Variants in YTHDC2 observed in about 807,000 individuals in gnomAD.
YTHDC2 encodes 3'-5' RNA helicase YTHDC2.
Under a neutral mutation model 174.9 loss-of-function variants are expected in YTHDC2, and 45 were observed. That is an observed-to-expected ratio of 0.26 (90% CI 0.20 to 0.33). YTHDC2 has a LOEUF of 0.33. YTHDC2 is among the 10% of genes least tolerant of loss of function. The probability of loss-of-function intolerance (pLI) is 1.00; values close to 1 mark genes in which losing one functional copy is unlikely to be tolerated. For synonymous variants in YTHDC2, 657 were observed against 574.5 expected (o/e 1.14, Z -2.05); for missense variants, 1,650 against 1,723.7 (o/e 0.96, Z 0.76).
intron 24 of YTHDC2, among the ~76,000 whole-genome samples, chr5:113,581,074 A>G (rs1778375412): frequency 6.6e-6 from 1 of 152,166 alleles, no homozygotes; most frequent in Non-Finnish European, 1.5e-5. Flanking sequence ...CCTTCAGGAC[A>G]TGATCATTTG....
At chr5:113,557,644 A>G (rs1420791516) in intron 17 of YTHDC2, among the ~76,000 whole-genome samples, 1 of 152,158 alleles carries the variant, frequency 6.6e-6, no homozygotes, top group Admixed American at 6.5e-5. Context: ...AAATTAAAAA[A>G]TCAGCTAGGT....
chr5:113,534,345 G>T lies in YTHDC2; in HGVS notation c.883G>T (p.Val295Leu), dbSNP rs769929036. The change falls in exon 6 of 30, where the codon GTA becomes TTA. Residue 295 changes from valine to leucine, a missense_variant. Physicochemically the swap from Val to Leu is conservative, Grantham distance 32. Around this residue, in one of 5 missense-constraint regions of YTHDC2, gnomAD observed 411 missense variants for 380.6 expected, o/e 1.08. Transcript: ENST00000161863. The stretch of plus-strand genomic sequence containing the variant: ...ACTTCTGACATTTTGTACTAATGGG[G>T]TATTGCTTCGTACATTGATGGCAGG... ...KTLLTFCTNGVLLRTLMAGDS... is the reference protein window; with the variant it reads ...KTLLTFCTNGLLLRTLMAGDS... 5 of 1,612,680 alleles carry T rather than the reference G, an allele frequency of 3.1e-6. No individual in the cohort carries two copies. The highest frequency in any genetic ancestry group is 2.2e-5 in the South Asian group (2 of 90,960).
intron 2 of YTHDC2, among the ~76,000 whole-genome samples, chr5:113,518,410 C>T (rs1299678537): frequency 6.7e-6 from 1 of 149,610 alleles, no homozygotes; most frequent in East Asian, 1.9e-4. Context: ...TTATGTTGCT[C>T]AGGATGGTCT....
intron 4 of YTHDC2, among the ~76,000 whole-genome samples, chr5:113,529,528 C>A (rs10036300): frequency 1.3e-5 from 2 of 151,942 alleles, no homozygotes; most frequent in African/African-American, 4.8e-5. Flanking sequence ...TCTTGTTTCT[C>A]TAAAGCTTGG....
intron 28 of YTHDC2, 35 bp from the exon 29 acceptor site, chr5:113,593,268 C>G (rs2112833408): frequency 6.4e-7 from 1 of 1,562,378 alleles, no homozygotes; most frequent in Non-Finnish European, 8.8e-7. Context: ...CACTCCAGTT[C>G]TTTTTATGTT....
intron 23 of YTHDC2, among the ~76,000 whole-genome samples, chr5:113,571,611 T>C (rs536366173): frequency 1.3e-5 from 2 of 152,130 alleles, no homozygotes; most frequent in African/African-American, 4.8e-5. Context: ...TGGTTGGGCT[T>C]TTTTGGTTGG....
chr5:113,554,027 G>A lies in YTHDC2; in HGVS notation c.2133+5G>A. Reference sequence around the variant, plus strand: ...GATTCTGGTAAGGTGAAAGAGGTATGTATGGGTAAGTTGTAGTTTTACTTA... The same window carrying A: ...GATTCTGGTAAGGTGAAAGAGGTATATATGGGTAAGTTGTAGTTTTACTTA... On this transcript the variant is annotated splice_donor_5th_base_variant and intron_variant, in intron 16 of 29. Transcript: ENST00000161863. The A allele has an allele frequency of 6.6e-7, 1 of 1,525,486 alleles. No individual in the cohort carries two copies. The highest frequency in any genetic ancestry group is 1.3e-5 in the South Asian group (1 of 76,372). 94.5% of individuals were successfully genotyped at this position (1,525,486 alleles called of 1,614,324 possible). A position where few individuals can be genotyped will look rare whatever the true frequency, so the allele number is the denominator to read the frequency against.
intron 2 of YTHDC2, among the ~76,000 whole-genome samples, chr5:113,520,745 T>C (rs528400455): frequency 6.6e-6 from 1 of 152,350 alleles, no homozygotes; most frequent in South Asian, 2.1e-4. Flanking sequence ...TGCCTCCATT[T>C]GTGTACTAGT....
chr5:113,529,026 T>A (rs575263473), intron 4 of YTHDC2, among the ~76,000 whole-genome samples: 1 of 152,252 alleles, frequency 6.6e-6, no homozygotes, highest in Non-Finnish European at 1.5e-5. Flanking sequence ...GCATCTTGAT[T>A]TTTTTTTCAC....
chr5:113,561,810 T>C (rs1776995602), intron 18 of YTHDC2, among the ~76,000 whole-genome samples: 1 of 152,096 alleles, frequency 6.6e-6, no homozygotes. Context: ...AACTATATAG[T>C]GTTCACCTTT....
Position 113,584,430 on chromosome 5 carries a change from G to A in YTHDC2, c.3776G>A (p.Ser1259Asn). The A allele has an allele frequency of 6.2e-7, 1 of 1,613,718 alleles. No individual in the cohort carries two copies. Among genetic ancestry groups the A allele is most frequent in the South Asian group, 1.1e-5 (1 of 91,014 alleles). Residue 1259 changes from serine to asparagine, a missense_variant, in exon 26 of 30, where the codon AGT (serine) becomes AAT (asparagine). Ser to Asn is a conservative substitution (Grantham distance 46). Around this residue, in one of 5 missense-constraint regions of YTHDC2, gnomAD observed 913 missense variants for 940.4 expected, o/e 0.97. Coordinates refer to ENST00000161863, the MANE Select transcript of YTHDC2 (RefSeq NM_022828.5). The stretch of plus-strand genomic sequence containing the variant: ...TCTTCTCTGAAATCTACAGACAGCA[G>A]TAGTTACCCAAGTCCTTGTGCTAGT... ...DQSSLKSTDS[S>N]SYPSPCASPS...
chr5:113,592,249 G>A (rs1417630742), intron 28 of YTHDC2, 71 bp downstream of exon 28: 1 of 1,414,866 alleles, frequency 7.1e-7, no homozygotes, highest in Non-Finnish European at 9.4e-7. Flanking sequence ...TGCTTTAATT[G>A]AGGAGAAAAT....
chr5:113,589,408 A>AAATATATATATAT (rs368975720), intron 26 of YTHDC2, among the ~76,000 whole-genome samples: 10 of 123,262 alleles, frequency 8.1e-5, no homozygotes, highest in Non-Finnish European at 1.1e-4. Context: ...AAAAAAAAAA[A>AAATATATATATAT]ATATATATAT....
chr5:113,523,890 A>G (rs968382092), intron 2 of YTHDC2, among the ~76,000 whole-genome samples: 3 of 152,104 alleles, frequency 2.0e-5, no homozygotes, highest in Non-Finnish European at 4.4e-5. Context: ...TCTGTTGATT[A>G]TTTCTATAAT....
At chr5:113,589,228 C>A (rs1353922547) in intron 26 of YTHDC2, among the ~76,000 whole-genome samples, 1 of 151,318 alleles carries the variant, frequency 6.6e-6, no homozygotes, top group Non-Finnish European at 1.5e-5. Flanking sequence ...CACCGATGTT[C>A]TCTTCATTTT....
intron 27 of YTHDC2, among the ~76,000 whole-genome samples, chr5:113,591,501 A>G (rs1283367613): frequency 6.6e-6 from 1 of 152,128 alleles, no homozygotes; most frequent in Non-Finnish European, 1.5e-5. Flanking sequence ...CTAATTCTCA[A>G]GTGGATTCAA....
chr5:113,569,223 T>G (rs572427537), intron 23 of YTHDC2, among the ~76,000 whole-genome samples: 2 of 152,356 alleles, frequency 1.3e-5, no homozygotes, highest in African/African-American at 4.8e-5. Flanking sequence ...CTTAAGTTCC[T>G]TGTATACTCT....
intron 12 of YTHDC2, among the ~76,000 whole-genome samples, chr5:113,550,374 G>A (rs1380460187): frequency 4.6e-5 from 7 of 151,960 alleles, no homozygotes; most frequent in Non-Finnish European, 1.0e-4. Context: ...AGAAAACTAA[G>A]CAAATAAAAA....
At chr5:113,536,759 A>G (rs1001159764) in intron 7 of YTHDC2, among the ~76,000 whole-genome samples, 22 of 140,508 alleles carry the variant, frequency 1.6e-4, no homozygotes, top group African/African-American at 6.2e-4. Context: ...TGGATTTATG[A>G]TTTATGGATG....
Sources: allele counts gnomAD v4.1 joint callset (sites outside exome capture counted in the v4.1 genomes callset), GRCh38; gene constraint gnomAD v4.1.1; regional missense constraint gnomAD v4.1.1; transcripts MANE v1.5; gene names NCBI Gene and HGNC (gene_info 2026-07-23, HGNC 2026-07-21).